The following SOAT2 variants were observed in gnomAD, a reference collection of about 807,000 sequenced individuals.
The protein encoded by SOAT2 is sterol O-acyltransferase 2, also known as ACAT-2.
Under a neutral mutation model 76.0 loss-of-function variants are expected in SOAT2, and 87 were observed. The ratio of observed to expected loss-of-function variants is 1.14; its 90% CI spans 0.96 to 1.37. The LOEUF is 1.37. Among genes scored for constraint, SOAT2 ranks in the 40% most tolerant of loss-of-function variants. SOAT2 has a pLI of 0.00. For missense variants in SOAT2, 686 were observed against 682.1 expected (o/e 1.01, Z -0.06); for synonymous variants, 285 against 275.4 (o/e 1.03, Z -0.34).
intron 10 of SOAT2, 122 bp downstream of exon 10, chr12:53,119,375 G>T: frequency 9.3e-7 from 1 of 1,074,286 alleles, no homozygotes; most frequent in Non-Finnish European, 1.3e-6. Flanking sequence ...CCTCACATCT[G>T]TCCCCTCCTA....
At position 53,106,025 on chromosome 12, in the gene SOAT2, T is replaced by G; in HGVS notation, c.443+11T>G. 1 of 1,594,790 alleles carries G rather than the reference T, an allele frequency of 6.3e-7. No homozygotes were observed. Among genetic ancestry groups the G allele is most frequent in the Non-Finnish European group, 8.6e-7 (1 of 1,162,914 alleles). On this transcript the variant is annotated intron_variant, in intron 5 of 14. Coordinates refer to ENST00000301466, the MANE Select transcript of SOAT2 (RefSeq NM_003578.4). ...CATTGATGAGGGCAGGTAGGTCCCC[T>G]TCCCACCTGGGACAGGCACACCTAT...
At chr12:53,105,480 C>A in intron 3 of SOAT2, 81 bp from the exon 4 acceptor site, 1 of 1,410,290 alleles carries the variant, frequency 7.1e-7, no homozygotes, top group Non-Finnish European at 9.9e-7. Flanking sequence ...CTCCCCTTGG[C>A]TCCCAAGTAT....
chr12:53,121,795 T>C (rs1018516854), intron 12 of SOAT2, among the ~76,000 whole-genome samples: 2 of 69,742 alleles, frequency 2.9e-5, no homozygotes, highest in Admixed American at 2.6e-4. Flanking sequence ...GTAGCATGCT[T>C]TTTTTTTTTT....
chr12:53,106,842 G>C (rs1937942904), intron 5 of SOAT2, among the ~76,000 whole-genome samples: 2 of 152,172 alleles, frequency 1.3e-5, no homozygotes, highest in African/African-American at 4.8e-5. Context: ...TTCTTCTGGA[G>C]CCTCAGTAAG....
At chr12:53,105,832 G>A in intron 4 of SOAT2, 75 bp from the exon 5 acceptor site, 1 of 1,259,622 alleles carries the variant, frequency 7.9e-7, no homozygotes, top group Non-Finnish European at 1.2e-6. Flanking sequence ...CATGCCTCAT[G>A]TGTACAGTGT....
chr12:53,105,130 G>A lies in SOAT2; in HGVS notation c.162G>A (p.Glu54=), dbSNP rs1270921120. 3 of 1,563,594 alleles carry A rather than the reference G, an allele frequency of 1.9e-6. No homozygotes were observed. Among genetic ancestry groups the A allele is most frequent in the Admixed American group, 3.8e-5 (2 of 52,296 alleles). The change falls in exon 3 of 15, where the codon GAG becomes GAA. Residue 54 remains glutamate, a synonymous_variant. Coordinates refer to ENST00000301466, the MANE Select transcript of SOAT2 (RefSeq NM_003578.4). The part of the protein sequence containing the change: ...HMEAVKAQLL[E]QAQGQLRELL... The stretch of plus-strand genomic sequence containing the variant: ...AGGCTGTGAAGGCACAATTGCTGGA[G>A]CAAGCGCAGGGACAACTGAGGGAGC...
chr12:53,111,939 C>T (rs751913747), intron 5 of SOAT2, among the ~76,000 whole-genome samples: 33 of 152,146 alleles, frequency 2.2e-4, no homozygotes, highest in Non-Finnish European at 8.8e-5. Context: ...GACATAAATA[C>T]GCAGACGTAT....
chr12:53,123,671 A>G, intron 13 of SOAT2, 57 bp from the exon 14 acceptor site: 1 of 1,600,068 alleles, frequency 6.2e-7, no homozygotes, highest in South Asian at 1.1e-5. Context: ...ATGGGAGGGA[A>G]GCCAGGGAGA....
Position 53,115,514 on chromosome 12 carries a change from AG to A in SOAT2, c.572del (p.Gly191AlafsTer14), listed in dbSNP as rs570285243. 1.2e-4 allele frequency: 190 copies of A among 1,607,498 alleles called. No homozygotes were observed. In the East Asian group the frequency reaches 3.9e-3, roughly 33 times the overall value. On this transcript the variant is annotated frameshift_variant, in exon 6 of 15. Coordinates refer to ENST00000301466, the MANE Select transcript of SOAT2 (RefSeq NM_003578.4). LOFTEE classifies it high-confidence loss of function. ...GTACCAGGCCCTACGGCTGTGGGCCAGGGGCACCTGGACGCAGGCGACGGGC... is the reference window on the plus strand; with the variant it reads ...GTACCAGGCCCTACGGCTGTGGGCCAGGGCACCTGGACGCAGGCGACGGGC... ...APYQALRLWARGTWTQATGLG... is the reference protein window; with the variant it reads ...APYQALRLWAXGTWTQATGLG...
chr12:53,106,484 A>G (rs1296325759), intron 5 of SOAT2, among the ~76,000 whole-genome samples: 1 of 152,184 alleles, frequency 6.6e-6, no homozygotes, highest in Non-Finnish European at 1.5e-5. Context: ...CATTTCCCCC[A>G]CAGAGCACCC....
chr12:53,110,882 G>GT (rs919885018), intron 5 of SOAT2, among the ~76,000 whole-genome samples: 62 of 150,816 alleles, frequency 4.1e-4, no homozygotes, highest in Middle Eastern at 3.5e-3. Flanking sequence ...CTTATTTCCT[G>GT]TTTTTTTTAC....
At chr12:53,122,129 TGTCA>T (rs1938199188) in intron 12 of SOAT2, among the ~76,000 whole-genome samples, 1 of 151,330 alleles carries the variant, frequency 6.6e-6, no homozygotes, top group African/African-American at 2.4e-5. Flanking sequence ...ATAAGATTGA[TGTCA>T]CCCCTTCTGA....
intron 5 of SOAT2, among the ~76,000 whole-genome samples, chr12:53,110,489 T>C (rs1170989996): frequency 6.6e-6 from 1 of 152,256 alleles, no homozygotes; most frequent in Non-Finnish European, 1.5e-5. Context: ...CTTTCAGGAC[T>C]TCCACAGACA....
Position 53,119,269 on chromosome 12 carries a change from T to C in SOAT2, c.1039+16T>C, listed in dbSNP as rs1313051246. 6.2e-7 allele frequency: 1 copy of C among 1,613,594 alleles called. No individual in the cohort carries two copies. Among genetic ancestry groups the C allele is most frequent in the Admixed American group, 1.7e-5 (1 of 59,962 alleles). On this transcript the variant is annotated intron_variant, in intron 10 of 14. Coordinates refer to ENST00000301466, the MANE Select transcript of SOAT2 (RefSeq NM_003578.4). The stretch of plus-strand genomic sequence containing the variant: ...ACGTTGCCAGGTGAGCCAACTAAGG[T>C]AGGGCTAGAGCAGCTGTGCCCTGGG...
intron 1 of SOAT2, 44 bp from the exon 2 acceptor site, chr12:53,104,107 C>A: frequency 1.3e-6 from 2 of 1,571,004 alleles, no homozygotes; most frequent in Non-Finnish European, 1.8e-6. Flanking sequence ...GTCTGCAGAA[C>A]CCCAATTCCT....
intron 8 of SOAT2, 127 bp from the exon 9 acceptor site, chr12:53,118,763 C>A: frequency 9.9e-7 from 1 of 1,012,944 alleles, no homozygotes; most frequent in South Asian, 1.4e-5. Context: ...CCCCACCACC[C>A]TAGATAATCC....
chr12:53,123,757 C>T lies in SOAT2; in HGVS notation c.1402C>T (p.Arg468Cys), dbSNP rs775772097. 3.1e-5 allele frequency: 50 copies of T among 1,614,040 alleles called. No individual in the cohort carries two copies. The highest frequency in any genetic ancestry group is 6.7e-5 in the African/African-American group (5 of 74,916). ...GMLNFMMHDQ[R>C]TGPAWNVLMW... ...GTTGAACTTCATGATGCATGACCAG[C>T]GCACCGGCCCGGCATGGAACGTGCT... The change falls in exon 14 of 15, where the codon CGC becomes TGC. Residue 468 changes from arginine (R) to cysteine (C), a missense_variant. Coordinates refer to ENST00000301466, the MANE Select transcript of SOAT2 (RefSeq NM_003578.4).
intron 5 of SOAT2, among the ~76,000 whole-genome samples, chr12:53,107,883 A>G (rs1565626075): frequency 6.6e-6 from 1 of 152,190 alleles, no homozygotes; most frequent in South Asian, 2.1e-4. Flanking sequence ...TTGGCCTCCC[A>G]AAGTGCTGGG....
intron 5 of SOAT2, among the ~76,000 whole-genome samples, chr12:53,110,357 T>A (rs1449893782): frequency 6.6e-6 from 1 of 152,166 alleles, no homozygotes; most frequent in Non-Finnish European, 1.5e-5. Flanking sequence ...ACTCCATGTG[T>A]CCTAGGACTT....
Sources: allele counts gnomAD v4.1 joint callset (sites outside exome capture counted in the v4.1 genomes callset), GRCh38; gene constraint gnomAD v4.1.1; transcripts MANE v1.5; gene names NCBI Gene and HGNC (gene_info 2026-07-23, HGNC 2026-07-21).